The following CNTLN variants were observed in gnomAD, a reference collection of about 807,000 sequenced individuals.
CNTLN encodes centlein, centrosomal protein.
Under a neutral mutation model 180.0 loss-of-function variants are expected in CNTLN, and 212 were observed. That is an observed-to-expected ratio of 1.18 (90% confidence interval 1.05 to 1.32). The LOEUF is 1.32. CNTLN is among the 40% of genes most tolerant of loss of function. The pLI is 0.00. For missense variants in CNTLN, 2,095 were observed against 1,610.9 expected (o/e 1.30, Z -5.14); for synonymous variants, 722 against 563.1 (o/e 1.28, Z -3.99).
At chr9:17,468,605 T>A (rs1376946721) in intron 23 of CNTLN, among the ~76,000 whole-genome samples, 2 of 151,490 alleles carry the variant, frequency 1.3e-5, no homozygotes, top group Non-Finnish European at 3.0e-5. Flanking sequence ...TCTTTGAATG[T>A]GGCACTTTAA....
At chr9:17,272,195 G>T (rs9407793) in intron 5 of CNTLN, among the ~76,000 whole-genome samples, 26,412 of 145,838 alleles carry the variant, frequency 0.18, 2,607 homozygotes, top group South Asian at 0.3. Flanking sequence ...TTTTGCCTCA[G>T]CCTCCTGAAT....
At chr9:17,350,384 G>A (rs1211916578) in intron 12 of CNTLN, among the ~76,000 whole-genome samples, 1 of 152,064 alleles carries the variant, frequency 6.6e-6, no homozygotes, top group Non-Finnish European at 1.5e-5. Context: ...CTTTAGATGG[G>A]TACTTTTTTA....
At position 17,364,773 on chromosome 9, in the gene CNTLN, G is replaced by A. The variant is rs1199635827; in HGVS notation, c.1887-1844G>A. Among the ~76,000 whole-genome samples, 6 of 152,060 alleles carry A rather than the reference G, an allele frequency of 3.9e-5. No homozygotes were observed. In the South Asian group the frequency reaches 1.0e-3, roughly 26 times the overall value. ...GAAGCCTCCCTTTAGGGATGATTGT[G>A]TCTTCCTGAACCCTCCAGTATACTC... On this transcript the variant is annotated intron_variant, in intron 12 of 25. Transcript: ENST00000380647.
chr9:17,334,834 A>T (rs1306071700), intron 10 of CNTLN, among the ~76,000 whole-genome samples: 2 of 152,000 alleles, frequency 1.3e-5, no homozygotes, highest in Non-Finnish European at 2.9e-5. Context: ...TGATGGGATC[A>T]ATAGAAGCCC....
chr9:17,170,753 T>G (rs988130945), intron 2 of CNTLN, among the ~76,000 whole-genome samples: 1 of 152,018 alleles, frequency 6.6e-6, no homozygotes, highest in African/African-American at 2.4e-5. Flanking sequence ...CTCGGTGGGC[T>G]TCCTTGAAAC....
rs537976743 is a variant in CNTLN at position 17,490,197 on chromosome 9, A to G, written c.4119+3131A>G. ...GAAAGATGCTGAAGGCCAACATTGT[A>G]GGATGGTTGGAGAGAGGAGACTGGG... On this transcript the variant is annotated intron_variant, in intron 25 of 25. Coordinates refer to ENST00000380647, the MANE Select transcript of CNTLN (RefSeq NM_017738.4). Among the ~76,000 whole-genome samples the G allele has an allele frequency of 2.0e-5, 3 of 152,220 alleles. No individual in the cohort carries two copies. The South Asian group carries it at 6.2e-4, about 32-fold the overall frequency.
Position 17,445,671 on chromosome 9 carries a change from C to G in CNTLN, c.3115-11853C>G, listed in dbSNP as rs111516561. On this transcript the variant is annotated intron_variant, in intron 18 of 25. Coordinates refer to ENST00000380647, the MANE Select transcript of CNTLN (RefSeq NM_017738.4). ...AAAAACTGCGGAAGGCCTCAGGGAC[C>G]TCTGCCTAGGAAAGCCAGGTATTGT... Among the ~76,000 whole-genome samples the G allele has an allele frequency of 7.8e-4, 119 of 152,296 alleles. 1 individual carries two copies. The highest frequency in any genetic ancestry group is 2.6e-3 in the African/African-American group (109 of 41,564).
intron 2 of CNTLN, among the ~76,000 whole-genome samples, chr9:17,160,863 C>T (rs1046200827): frequency 3.9e-5 from 6 of 152,064 alleles, no homozygotes; most frequent in African/African-American, 1.4e-4. Context: ...ATCATTAAAA[C>T]AGATATTTCC....
chr9:17,268,139 T>A (rs1433401159), intron 5 of CNTLN, among the ~76,000 whole-genome samples: 3 of 152,204 alleles, frequency 2.0e-5, no homozygotes, highest in Non-Finnish European at 4.4e-5. Flanking sequence ...CAGTTTTTCT[T>A]CTCTGTTTTT....
At chr9:17,334,338 G>A (rs963598920) in intron 10 of CNTLN, among the ~76,000 whole-genome samples, 6 of 152,128 alleles carry the variant, frequency 3.9e-5, no homozygotes, top group African/African-American at 1.4e-4. Context: ...GGGATTACAG[G>A]CGCGAGCCGC....
the CNTLN span, among the ~76,000 whole-genome samples, chr9:17,516,179 C>T: frequency 6.6e-6 from 1 of 152,304 alleles, no homozygotes; most frequent in South Asian, 2.1e-4. Flanking sequence ...ACTACATTCT[C>T]CACAGCAACA....
At chr9:17,318,029 T>TTTTC (rs1361552166) in intron 8 of CNTLN, among the ~76,000 whole-genome samples, 3 of 146,616 alleles carry the variant, frequency 2.0e-5, no homozygotes, top group Admixed American at 2.0e-4. Context: ...TTTTCTTTTC[T>TTTTC]TTTTTTTTTT....
intron 23 of CNTLN, among the ~76,000 whole-genome samples, chr9:17,476,577 G>T (rs1832361135): frequency 6.6e-6 from 1 of 152,204 alleles, no homozygotes; most frequent in Non-Finnish European, 1.5e-5. Flanking sequence ...ATAAGAAAGT[G>T]AAACAGCCTT....
chr9:17,194,884 C>G (rs191979822), intron 2 of CNTLN, among the ~76,000 whole-genome samples: 2 of 152,224 alleles, frequency 1.3e-5, no homozygotes, highest in African/African-American at 4.8e-5. Context: ...AGGCAAAAAG[C>G]CCTTCTTATG....
At chr9:17,290,996 A>G (rs1271153265) in intron 6 of CNTLN, among the ~76,000 whole-genome samples, 2 of 152,014 alleles carry the variant, frequency 1.3e-5, no homozygotes, top group Non-Finnish European at 2.9e-5. Context: ...GGAGCTGTAG[A>G]CCGGAGCTGT....
intron 6 of CNTLN, among the ~76,000 whole-genome samples, chr9:17,283,320 T>C (rs1828779587): frequency 6.6e-6 from 1 of 152,162 alleles, no homozygotes; most frequent in African/African-American, 2.4e-5. Context: ...ACTTCTCTTG[T>C]TAGCTGTATT....
intron 5 of CNTLN, among the ~76,000 whole-genome samples, chr9:17,254,193 T>A (rs999448207): frequency 6.6e-6 from 1 of 151,706 alleles, no homozygotes; most frequent in East Asian, 1.9e-4. Flanking sequence ...TTGTATATCA[T>A]CTTTGGAGAA....
intron 5 of CNTLN, among the ~76,000 whole-genome samples, chr9:17,243,395 G>T (rs1229580180): frequency 6.6e-6 from 1 of 151,806 alleles, no homozygotes; most frequent in Non-Finnish European, 1.5e-5. Flanking sequence ...TAGTTCTTTA[G>T]GATGCATTGT....
intron 12 of CNTLN, among the ~76,000 whole-genome samples, chr9:17,361,086 G>A (rs1239108750): frequency 2.0e-5 from 3 of 151,946 alleles, no homozygotes; most frequent in Admixed American, 6.6e-5. Flanking sequence ...TATACTTTAA[G>A]TTTTAGGGTA....
Sources: allele counts gnomAD v4.1 joint callset (sites outside exome capture counted in the v4.1 genomes callset), GRCh38; gene constraint gnomAD v4.1.1; transcripts MANE v1.5; gene names NCBI Gene and HGNC (gene_info 2026-07-23, HGNC 2026-07-21).